BMPER: variants seen among roughly 807,000 people sequenced by gnomAD.
The protein encoded by BMPER is BMP binding endothelial regulator, also known as BMP-binding endothelial regulator protein.
Under a neutral mutation model 87.3 loss-of-function variants are expected in BMPER, and 45 were observed. The ratio of observed to expected loss-of-function variants is 0.52; its 90% confidence interval spans 0.41 to 0.66. BMPER has a LOEUF of 0.66. Among genes scored for constraint, BMPER ranks in the 30% least tolerant of loss-of-function variants. BMPER has a pLI of 0.00. For missense variants in BMPER, 784 were observed against 867.5 expected, an observed-to-expected ratio of 0.90 and a Z score of 1.21; for synonymous variants, 326 against 316.2, an observed-to-expected ratio of 1.03 and a Z score of -0.33.
chr7:34,061,719 T>G (rs189536095), intron 10 of BMPER, among the ~76,000 whole-genome samples: 1 of 152,308 alleles, frequency 6.6e-6, no homozygotes, highest in Admixed American at 6.5e-5. Context: ...TCATCTTCCT[T>G]CCATGTGAGA....
chr7:34,153,419 C>A lies in BMPER; in HGVS notation c.*146C>A. Reference sequence around the variant, plus strand: ...ATGTGTATATATATATAGATATATTCAAAAACATTGCATCATTTATATGAA... The same window carrying A: ...ATGTGTATATATATATAGATATATTAAAAAACATTGCATCATTTATATGAA... On this transcript the variant is annotated 3_prime_UTR_variant, in exon 15 of 15. Transcript: ENST00000649409. 2.6e-6 allele frequency: 2 copies of A among 770,340 alleles called. No individual in the cohort carries two copies. The highest frequency in any genetic ancestry group is 4.2e-6 in the Non-Finnish European group (2 of 478,734). The allele number at this position is 770,340 out of a possible 1,614,324, so 47.7% of individuals were successfully genotyped here. A position where few individuals can be genotyped will look rare whatever the true frequency, so the allele number is the denominator to read the frequency against.
Position 34,153,526 on chromosome 7 carries a change from A to G in BMPER, c.*253A>G. 2.2e-6 allele frequency: 1 copy of G among 449,694 alleles called. No homozygotes were observed. The highest frequency in any genetic ancestry group is 2.6e-5 in the South Asian group (1 of 39,060). The allele number at this position is 449,694 out of a possible 1,614,324, so 27.9% of individuals were successfully genotyped here. On this transcript the variant is annotated 3_prime_UTR_variant, in exon 15 of 15. Transcript: ENST00000649409. ...GATCCTAACCTGTAAGCCATTGAACATGTTGTATAAATACACCAGGTGTTT... is the reference window on the plus strand; with the variant it reads ...GATCCTAACCTGTAAGCCATTGAACGTGTTGTATAAATACACCAGGTGTTT...
intron 6 of BMPER, among the ~76,000 whole-genome samples, chr7:33,991,998 C>A (rs1296794522): frequency 1.3e-5 from 2 of 148,724 alleles, no homozygotes; most frequent in African/African-American, 5.0e-5. Flanking sequence ...GTTATAATTT[C>A]TGTTCTTTTA....
chr7:34,055,091 A>C, intron 8 of BMPER, 72 bp from the exon 9 acceptor site: 1 of 1,602,556 alleles, frequency 6.2e-7, no homozygotes, highest in Non-Finnish European at 8.5e-7. Context: ...GAGTTATGAA[A>C]GGAAGGCCAG....
chr7:33,986,081 T>G (rs968590420), intron 6 of BMPER, among the ~76,000 whole-genome samples: 5 of 152,238 alleles, frequency 3.3e-5, no homozygotes, highest in African/African-American at 1.2e-4. Flanking sequence ...CATCTCTAAC[T>G]CCTTCGTTTT....
At chr7:34,011,608 AAAAAAAGAAAG>A (rs1786882340) in intron 6 of BMPER, among the ~76,000 whole-genome samples, 2 of 150,732 alleles carry the variant, frequency 1.3e-5, no homozygotes. Flanking sequence ...AAAAAAAGAA[AAAAAAAGAAAG>A]AAAAAAGAAA....
chr7:33,925,395 T>C (rs1399123956), intron 2 of BMPER, among the ~76,000 whole-genome samples: 1 of 152,188 alleles, frequency 6.6e-6, no homozygotes, highest in Non-Finnish European at 1.5e-5. Context: ...ACAAATCCAC[T>C]GAAAGATGAA....
At chr7:34,068,329 G>A (rs772679092) in intron 11 of BMPER, among the ~76,000 whole-genome samples, 4 of 152,196 alleles carry the variant, frequency 2.6e-5, no homozygotes, top group Non-Finnish European at 1.5e-5. Context: ...TTGTCATTTT[G>A]TACAGTTTGA....
intron 2 of BMPER, among the ~76,000 whole-genome samples, chr7:33,914,270 C>G (rs1784038727): frequency 1.3e-5 from 2 of 152,152 alleles, no homozygotes; most frequent in African/African-American, 4.8e-5. Context: ...CGGCCTTCAG[C>G]ACAATTTTTA....
At chr7:34,134,994 G>A (rs1216590857) in intron 13 of BMPER, among the ~76,000 whole-genome samples, 1 of 152,138 alleles carries the variant, frequency 6.6e-6, no homozygotes. Context: ...GGTCAGAGGT[G>A]AATGATCATT....
chr7:34,040,975 C>T (rs2127955493), intron 6 of BMPER, among the ~76,000 whole-genome samples: 1 of 152,192 alleles, frequency 6.6e-6, no homozygotes, highest in East Asian at 1.9e-4. Context: ...TGATAAAAAG[C>T]AGACATAAAG....
chr7:34,092,255 A>G (rs1429454719), intron 13 of BMPER, among the ~76,000 whole-genome samples: 1 of 151,714 alleles, frequency 6.6e-6, no homozygotes, highest in Non-Finnish European at 1.5e-5. Flanking sequence ...TCTATTTGCA[A>G]CTCCCAGTGG....
intron 6 of BMPER, among the ~76,000 whole-genome samples, chr7:34,045,532 G>A (rs945028378): frequency 4.6e-5 from 7 of 152,044 alleles, no homozygotes; most frequent in African/African-American, 1.7e-4. Flanking sequence ...AGAATGAGGG[G>A]GCAGGGAAAA....
At chr7:34,138,165 C>A (rs1017886528) in intron 13 of BMPER, among the ~76,000 whole-genome samples, 5 of 152,054 alleles carry the variant, frequency 3.3e-5, no homozygotes, top group African/African-American at 1.2e-4. Flanking sequence ...TTTAAATAAC[C>A]ACATGTGTCT....
rs1787414330 is a variant in BMPER, at chr7:34,028,343, G to A, written c.577-17963G>A. Among the ~76,000 whole-genome samples, 3 of 152,052 alleles carry A rather than the reference G, an allele frequency of 2.0e-5. No homozygotes were observed. In the East Asian group the frequency reaches 5.8e-4, roughly 30 times the overall value. On this transcript the variant is annotated intron_variant, in intron 6 of 14. Coordinates refer to ENST00000649409, the MANE Select transcript of BMPER (RefSeq NM_001365308.1). ...TTAAATTGGTTATTTATGTTAGCAT[G>A]AAATGGGTTTTTGTTATTTAAAAGG...
At chr7:34,109,856 T>C (rs987682471) in intron 13 of BMPER, among the ~76,000 whole-genome samples, 3 of 152,218 alleles carry the variant, frequency 2.0e-5, no homozygotes, top group African/African-American at 7.2e-5. Flanking sequence ...CCAGTACCAA[T>C]GGGTTAGTTC....
At chr7:33,997,837 G>T (rs1270766361) in intron 6 of BMPER, among the ~76,000 whole-genome samples, 1 of 152,162 alleles carries the variant, frequency 6.6e-6, no homozygotes, top group Non-Finnish European at 1.5e-5. Context: ...AAATGAAGGA[G>T]CCAGATATGC....
At chr7:33,974,027 C>T (rs755077909) in intron 5 of BMPER, among the ~76,000 whole-genome samples, 3 of 152,130 alleles carry the variant, frequency 2.0e-5, no homozygotes, top group African/African-American at 7.2e-5. Context: ...GCTGAAAACC[C>T]GTATGATACC....
At chr7:33,938,897 G>A (rs2128609772) in intron 3 of BMPER, among the ~76,000 whole-genome samples, 1 of 152,222 alleles carries the variant, frequency 6.6e-6, no homozygotes, top group South Asian at 2.1e-4. Flanking sequence ...GTGGTTGTGG[G>A]TGCCTGTATT....
Sources: allele counts gnomAD v4.1 joint callset (sites outside exome capture counted in the v4.1 genomes callset), GRCh38; gene constraint gnomAD v4.1.1; transcripts MANE v1.5; gene names NCBI Gene and HGNC (gene_info 2026-07-23, HGNC 2026-07-21).